The following NME9 variants were observed in gnomAD, a reference collection of about 807,000 sequenced individuals.
The protein encoded by NME9 is NME/NM23 family member 9, also known as thioredoxin domain-containing protein 6.
NME9 carries 48 observed loss-of-function variants against 44.4 expected under a neutral mutation model. The observed-to-expected ratio is 1.08, with a 90% CI of 0.86 to 1.37. NME9 has a LOEUF of 1.37. Among genes scored for constraint, NME9 ranks in the 40% most tolerant of loss-of-function variants. The pLI is 0.00. For missense variants in NME9, 325 were observed against 405.2 expected (o/e 0.80, Z 1.70); for synonymous variants, 139 against 147.1 (o/e 0.94, Z 0.40).
At chr3:138,295,658 A>G (rs1047338643) in intron 8 of NME9, among the ~76,000 whole-genome samples, 6 of 152,248 alleles carry the variant, frequency 3.9e-5, no homozygotes, top group African/African-American at 1.4e-4. Flanking sequence ...CCACAGGAAG[A>G]AGAATATAGC....
chr3:138,287,929 G>A, intron 8 of NME9: 1 of 222,136 alleles, frequency 4.5e-6, no homozygotes, highest in Non-Finnish European at 9.2e-6. Context: ...TTTTCATTCA[G>A]GCGAAAACAC....
intron 2 of NME9, 51 bp from the exon 3 acceptor site, chr3:138,319,632 C>T (rs376872418): frequency 4.3e-6 from 4 of 920,758 alleles, no homozygotes; most frequent in South Asian, 1.3e-5. Context: ...GTGCCCACCA[C>T]ACCATGCATA....
chr3:138,263,658 T>C, intron 8 of NME9: 1 of 1,189,974 alleles, frequency 8.4e-7, no homozygotes, highest in East Asian at 2.3e-5. Flanking sequence ...TTTTAATGGA[T>C]GTTAACATAC....
At chr3:138,283,626 C>G (rs1394633103) in intron 8 of NME9, among the ~76,000 whole-genome samples, 1 of 152,166 alleles carries the variant, frequency 6.6e-6, no homozygotes, top group Admixed American at 6.5e-5. Context: ...CTAAGCTTGG[C>G]ACTGTTGGTA....
intron 6 of NME9, among the ~76,000 whole-genome samples, chr3:138,310,106 A>G (rs1198942853): frequency 2.0e-5 from 3 of 152,184 alleles, no homozygotes; most frequent in Non-Finnish European, 4.4e-5. Context: ...CTGAAAGTGA[A>G]GGCATGGAAA....
chr3:138,281,283 A>T (rs1436985680), intron 8 of NME9, among the ~76,000 whole-genome samples: 1 of 151,106 alleles, frequency 6.6e-6, no homozygotes, highest in Non-Finnish European at 1.5e-5. Flanking sequence ...TTGGCCCAAT[A>T]ATTGATTTCT....
chr3:138,274,453 T>C, intron 8 of NME9: 2 of 1,582,310 alleles, frequency 1.3e-6, no homozygotes, highest in Non-Finnish European at 1.7e-6. Flanking sequence ...TTACAGCATA[T>C]AGATAAAATA....
At chr3:138,264,085 A>T in intron 8 of NME9, 1 of 1,551,404 alleles carries the variant, frequency 6.4e-7, no homozygotes, top group Non-Finnish European at 8.9e-7. Context: ...TTTGAAAAGT[A>T]AAAGTTTTGA....
Position 138,305,998 on chromosome 3 carries a change from G to A in NME9, c.636+6C>T. ...GTGTTGAACTTGTGGAAGTAGATGA[G>A]CTGACCTCTCCAGCTTTGTGTTGGT... On this transcript the variant is annotated splice_donor_region_variant and intron_variant, in intron 8 of 10. Transcript: ENST00000333911. 1 of 1,582,834 alleles carries A rather than the reference G, an allele frequency of 6.3e-7. No individual in the cohort carries two copies. The highest frequency in any genetic ancestry group is 1.3e-5 in the African/African-American group (1 of 74,418).
chr3:138,262,441 T>G, exon 9 of NME9: 1 of 1,370,522 alleles, frequency 7.3e-7, no homozygotes, highest in Non-Finnish European at 1.0e-6. Flanking sequence ...TGATCATTGT[T>G]AATTTCAACA....
At chr3:138,323,990 A>C (rs2053622213) in intron 2 of NME9, among the ~76,000 whole-genome samples, 1 of 152,136 alleles carries the variant, frequency 6.6e-6, no homozygotes, top group African/African-American at 2.4e-5. Flanking sequence ...AGTATGGCAA[A>C]AGCAATGGGA....
chr3:138,278,979 A>C (rs2108333086), intron 8 of NME9, among the ~76,000 whole-genome samples: 1 of 152,312 alleles, frequency 6.6e-6, no homozygotes, highest in South Asian at 2.1e-4. Flanking sequence ...CTGTAAATAA[A>C]AATAGCTTTA....
intron 8 of NME9, chr3:138,272,821 G>A (rs375888131): frequency 2.4e-5 from 15 of 621,678 alleles, no homozygotes; most frequent in African/African-American, 5.7e-5. Context: ...GCAGTGAGCC[G>A]TTATTGTGCC....
intron 6 of NME9, among the ~76,000 whole-genome samples, chr3:138,311,431 G>C (rs1190863129): frequency 2.0e-5 from 3 of 151,994 alleles, no homozygotes; most frequent in Middle Eastern, 3.2e-3. Flanking sequence ...ACCAGACAAG[G>C]ACACAACAAA....
chr3:138,275,842 AT>A (rs1376637722), intron 8 of NME9, among the ~76,000 whole-genome samples: 4 of 152,160 alleles, frequency 2.6e-5, no homozygotes, highest in African/African-American at 7.2e-5. Context: ...ATCTCTTAAA[AT>A]TTTTTTTAAA....
intron 3 of NME9, among the ~76,000 whole-genome samples, chr3:138,318,741 A>G (rs1479153516): frequency 6.6e-6 from 1 of 152,202 alleles, no homozygotes; most frequent in African/African-American, 2.4e-5. Context: ...CCCATGCAGC[A>G]TATCAACAGT....
At chr3:138,302,749 T>C (rs2051935209) in intron 10 of NME9, among the ~76,000 whole-genome samples, 1 of 152,166 alleles carries the variant, frequency 6.6e-6, no homozygotes, top group African/African-American at 2.4e-5. Context: ...ACCCAAACAT[T>C]TAGACACACA....
chr3:138,302,508 C>T (rs2051917937), intron 10 of NME9, among the ~76,000 whole-genome samples: 1 of 152,190 alleles, frequency 6.6e-6, no homozygotes, highest in Non-Finnish European at 1.5e-5. Context: ...GGGCAGGTCC[C>T]AGAGGAAAGC....
At chr3:138,325,758 T>G (rs901670333) in intron 1 of NME9, among the ~76,000 whole-genome samples, 1 of 151,850 alleles carries the variant, frequency 6.6e-6, no homozygotes, top group Non-Finnish European at 1.5e-5. Context: ...AATTTCAAAC[T>G]TAGAGAAAGT....
Sources: allele counts gnomAD v4.1 joint callset (sites outside exome capture counted in the v4.1 genomes callset), GRCh38; gene constraint gnomAD v4.1.1; transcripts MANE v1.5; gene names NCBI Gene and HGNC (gene_info 2026-07-23, HGNC 2026-07-21).